FMNL2: variants seen among roughly 807,000 people sequenced by gnomAD.
The protein encoded by FMNL2 is formin like 2.
A neutral mutation model predicts 130.2 loss-of-function variants in FMNL2; 51 were observed. The ratio of observed to expected loss-of-function variants is 0.39; its 90% CI spans 0.31 to 0.49. FMNL2 has a LOEUF of 0.49. Ranked by LOEUF, FMNL2 falls within the 20% of genes least tolerant of loss-of-function variation. The pLI, the probability that FMNL2 is intolerant of heterozygous loss-of-function variation, is 0.85. For missense variants in FMNL2, 977 were observed against 1,316.2 expected, an observed-to-expected ratio of 0.74 and a Z score of 3.99; for synonymous variants, 465 against 467.1, an observed-to-expected ratio of 1.00 and a Z score of 0.06.
chr2:152,646,752 TCA>T (rs1457796624), intron 25 of FMNL2, among the ~76,000 whole-genome samples: 8 of 152,182 alleles, frequency 5.3e-5, no homozygotes, highest in East Asian at 1.9e-4. Flanking sequence ...CTAGCAGAAG[TCA>T]ACAATACTAA....
At chr2:152,396,897 T>C (rs1685424173) in intron 1 of FMNL2, among the ~76,000 whole-genome samples, 1 of 152,220 alleles carries the variant, frequency 6.6e-6, no homozygotes, top group South Asian at 2.1e-4. Context: ...CTCATCATTA[T>C]TTTTAAAGCT....
intron 4 of FMNL2, among the ~76,000 whole-genome samples, chr2:152,552,502 A>T (rs1324865792): frequency 1.3e-5 from 2 of 152,234 alleles, no homozygotes; most frequent in Non-Finnish European, 2.9e-5. Context: ...TTCCCAAGAT[A>T]ACATTCTGAG....
chr2:152,378,612 T>C (rs1369971524), intron 1 of FMNL2, among the ~76,000 whole-genome samples: 1 of 152,200 alleles, frequency 6.6e-6, no homozygotes, highest in African/African-American at 2.4e-5. Flanking sequence ...CCTTCTTGCT[T>C]TCTTACTTAT....
At chr2:152,642,164 T>A (rs1431168821) in intron 25 of FMNL2, among the ~76,000 whole-genome samples, 1 of 152,118 alleles carries the variant, frequency 6.6e-6, no homozygotes, top group African/African-American at 2.4e-5. Context: ...ATGGTCTCGA[T>A]CTCCTGACCT....
intron 1 of FMNL2, among the ~76,000 whole-genome samples, chr2:152,379,396 G>A (rs889011096): frequency 6.6e-6 from 1 of 152,142 alleles, no homozygotes; most frequent in African/African-American, 2.4e-5. Context: ...GTGGTTTGTG[G>A]TGAATAAAAT....
intron 1 of FMNL2, among the ~76,000 whole-genome samples, chr2:152,369,394 G>C (rs1683745413): frequency 6.6e-6 from 1 of 152,100 alleles, no homozygotes; most frequent in Non-Finnish European, 1.5e-5. Context: ...ATAAAACTTG[G>C]GCAAGTGCTT....
rs1553869242 is a variant in FMNL2, at chr2:152,367,073, G to GTGTTTT, written c.117+31354_117+31355insGTTTTT. 7.9e-5 allele frequency among the ~76,000 whole-genome samples: 7 copies of GTGTTTT among 88,182 alleles called. 1 individual carries two copies. Among genetic ancestry groups the GTGTTTT allele is most frequent in the Non-Finnish European group, 3.0e-5 (1 of 33,572 alleles). The allele number at this position is 88,182 out of a possible 152,430, so 57.9% of individuals were successfully genotyped here. On this transcript the variant is annotated intron_variant, in intron 1 of 25. Transcript: ENST00000288670. ...CTACCCTGTTATTGTGTGTGTGTGT[G>GTGTTTT]TTTGTTTTTTTTTTTTTTCCCAGAT...
chr2:152,587,518 T>G (rs970437690), intron 9 of FMNL2, among the ~76,000 whole-genome samples: 2 of 152,258 alleles, frequency 1.3e-5, no homozygotes, highest in African/African-American at 4.8e-5. Flanking sequence ...ACTGAAAACT[T>G]TATAAACTTT....
chr2:152,607,003 T>G (rs1280583529), intron 9 of FMNL2, among the ~76,000 whole-genome samples: 32 of 132,052 alleles, frequency 2.4e-4, no homozygotes, highest in Admixed American at 9.9e-4. Context: ...GTTTTTTTTT[T>G]TTGTTTTTTT....
intron 1 of FMNL2, among the ~76,000 whole-genome samples, chr2:152,484,851 A>G (rs567081728): frequency 1.3e-5 from 2 of 152,346 alleles, no homozygotes; most frequent in East Asian, 3.9e-4. Flanking sequence ...GCGAAAGAAT[A>G]AAAGATGCTC....
intron 9 of FMNL2, among the ~76,000 whole-genome samples, chr2:152,581,474 G>C (rs899855085): frequency 6.6e-6 from 1 of 152,150 alleles, no homozygotes; most frequent in South Asian, 2.1e-4. Flanking sequence ...CTGATTCTGG[G>C]AGCGTGTAAG....
chr2:152,497,547 T>C (rs544555764), intron 1 of FMNL2, among the ~76,000 whole-genome samples: 1 of 152,346 alleles, frequency 6.6e-6, no homozygotes, highest in South Asian at 2.1e-4. Flanking sequence ...TTCCTCATTC[T>C]TTCTGACTCA....
intron 12 of FMNL2, 69 bp downstream of exon 12, chr2:152,615,069 C>A: frequency 1.3e-6 from 2 of 1,537,760 alleles, no homozygotes; most frequent in South Asian, 2.3e-5. Context: ...TTAATGTCAG[C>A]TTTTATGGTG....
chr2:152,454,155 T>C (rs144812838), intron 1 of FMNL2, among the ~76,000 whole-genome samples: 3 of 152,214 alleles, frequency 2.0e-5, no homozygotes, highest in African/African-American at 7.2e-5. Context: ...CAGATGCCTG[T>C]AATCTCAGCT....
chr2:152,497,158 A>G (rs1350517995), intron 1 of FMNL2, among the ~76,000 whole-genome samples: 1 of 152,112 alleles, frequency 6.6e-6, no homozygotes, highest in African/African-American at 2.4e-5. Flanking sequence ...TCCCCCTTAT[A>G]TGTAACTCTT....
At chr2:152,567,729 C>T (rs926034003) in intron 6 of FMNL2, among the ~76,000 whole-genome samples, 2 of 152,180 alleles carry the variant, frequency 1.3e-5, no homozygotes, top group African/African-American at 4.8e-5. Context: ...CTGTAACATA[C>T]CTCATTGGTG....
At position 152,641,037 on chromosome 2, in the gene FMNL2, A is replaced by C. The variant is rs556010335; in HGVS notation, c.3169+123A>C. The C allele has an allele frequency of 5.5e-5, 70 of 1,274,314 alleles. No individual in the cohort carries two copies. In the African/African-American group the frequency reaches 9.1e-4, roughly 17 times the overall value. The allele number at this position is 1,274,314 out of a possible 1,614,324, so 78.9% of individuals were successfully genotyped here. On this transcript the variant is annotated intron_variant, in intron 25 of 25. Coordinates refer to ENST00000288670, the MANE Select transcript of FMNL2 (RefSeq NM_052905.4). ...TCAAGTTCATTAGTTGACTTTATTCACACCCAGAGTGATGCAGAGAGGCTT... is the reference window on the plus strand; with the variant it reads ...TCAAGTTCATTAGTTGACTTTATTCCCACCCAGAGTGATGCAGAGAGGCTT...
chr2:152,442,899 A>G (rs1688125930), intron 1 of FMNL2, among the ~76,000 whole-genome samples: 1 of 152,200 alleles, frequency 6.6e-6, no homozygotes. Flanking sequence ...GGTCTGGGCT[A>G]GAGCCTGAGA....
chr2:152,360,823 A>C (rs1047724720), intron 1 of FMNL2, among the ~76,000 whole-genome samples: 1 of 152,172 alleles, frequency 6.6e-6, no homozygotes, highest in African/African-American at 2.4e-5. Context: ...AAATTCCAGA[A>C]TTTATTTGTA....
Sources: allele counts gnomAD v4.1 joint callset (sites outside exome capture counted in the v4.1 genomes callset), GRCh38; gene constraint gnomAD v4.1.1; transcripts MANE v1.5; gene names NCBI Gene and HGNC (gene_info 2026-07-23, HGNC 2026-07-21).